C20orf202: variants seen among roughly 807,000 people sequenced by gnomAD.
The protein encoded by C20orf202 is uncharacterized protein C20orf202.
C20orf202 carries 5 observed loss-of-function variants against 5.3 expected under a neutral mutation model. The observed-to-expected ratio is 0.94, with a 90% CI of 0.49 to 1.98. The LOEUF (loss-of-function observed/expected upper bound fraction) is 1.98, where lower values mean the gene tolerates loss of function less well. C20orf202 is among the 30% of genes most tolerant of loss of function. C20orf202 has a pLI of 0.01. For missense variants in C20orf202, 135 were observed against 123.5 expected (o/e 1.09, Z -0.44); for synonymous variants, 48 against 50.0 (o/e 0.96, Z 0.16).
chr20:1,203,768 C>A, intron 1 of C20orf202, 117 bp downstream of exon 1: 1 of 1,151,364 alleles, frequency 8.7e-7, no homozygotes, highest in South Asian at 1.7e-5. Flanking sequence ...ATGGACCCTG[C>A]AGTCTCCCCT....
rs912070700 is a variant in C20orf202 at position 1,207,150 on chromosome 20, C to A, written c.*48C>A. 1.1e-5 allele frequency: 14 copies of A among 1,255,168 alleles called. No homozygotes were observed. Among genetic ancestry groups the A allele is most frequent in the Middle Eastern group, 2.0e-4 (1 of 5,046 alleles). The allele number at this position is 1,255,168 out of a possible 1,614,324, so 77.8% of individuals were successfully genotyped here. On this transcript the variant is annotated 3_prime_UTR_variant, in exon 2 of 2. Transcript: ENST00000400633. ...TTTAACACTCTCCCCATTAGTCTAACCTTTCACTGTGATATTTCAGGGGCA... is the reference window on the plus strand; with the variant it reads ...TTTAACACTCTCCCCATTAGTCTAAACTTTCACTGTGATATTTCAGGGGCA...
rs975023503 is a variant in C20orf202, at chr20:1,207,170, G to A, written c.*68G>A. ...TCTAACCTTTCACTGTGATATTTCA[G>A]GGGCAGAGTGTTGGAATGGGAGTCA... On this transcript the variant is annotated 3_prime_UTR_variant, in exon 2 of 2. Transcript: ENST00000400633. 3.1e-5 allele frequency: 35 copies of A among 1,146,294 alleles called. No homozygotes were observed. The highest frequency in any genetic ancestry group is 9.1e-5 in the Admixed American group (3 of 32,942). 71.0% of individuals were successfully genotyped at this position (1,146,294 alleles called of 1,614,324 possible).
Position 1,207,086 on chromosome 20 carries a change from G to A in C20orf202, c.284G>A (p.Arg95Gln), listed in dbSNP as rs1381241601. The change falls in exon 2 of 2, where the codon CGA (arginine) becomes CAA (glutamine). Residue 95 changes from arginine (R) to glutamine (Q), a missense_variant. Transcript: ENST00000400633. The stretch of plus-strand genomic sequence containing the variant: ...CTCCTCCGAGGGGAAGACAGCAGAC[G>A]AAGCTCTCTCCCTTAACTGGACGGA... Reference protein sequence around the residue: ...AQLLRGEDSRRSSLP With the variant: ...AQLLRGEDSRQSSLP The A allele has an allele frequency of 5.3e-6, 8 of 1,507,996 alleles. No homozygotes were observed. Among genetic ancestry groups the A allele is most frequent in the African/African-American group, 1.4e-5 (1 of 72,156 alleles). The allele number at this position is 1,507,996 out of a possible 1,614,324, so 93.4% of individuals were successfully genotyped here. A position where few individuals can be genotyped will look rare whatever the true frequency, so the allele number is the denominator to read the frequency against.
In C20orf202 at chr20:1,206,054, AAAAT is replaced by A. The variant is rs908186101; in HGVS notation, c.67-795_67-792del. 6.6e-5 allele frequency among the ~76,000 whole-genome samples: 10 copies of A among 152,226 alleles called. No individual in the cohort carries two copies. The South Asian group carries it at 8.3e-4, about 13-fold the overall frequency. On this transcript the variant is annotated intron_variant, in intron 1 of 1. Coordinates refer to ENST00000400633, the MANE Select transcript of C20orf202 (RefSeq NM_001394958.1). ...GGCAACACAGTGAGACCCCGCCTCA[AAAAT>A]AAATAAATAAATAAATAAACAGAAA...
intron 1 of C20orf202, 65 bp downstream of exon 1, chr20:1,203,716 C>A: frequency 6.7e-7 from 1 of 1,492,974 alleles, no homozygotes; most frequent in South Asian, 1.4e-5. Flanking sequence ...CTCTGGTTTT[C>A]CTTCCCGGGT....
chr20:1,208,609 T>C lies in C20orf202; in HGVS notation c.*1507T>C, dbSNP rs1238174529. On this transcript the variant is annotated 3_prime_UTR_variant, in exon 2 of 2. Transcript: ENST00000400633. ...GGAGAGAAAAGGGGCTTGCTCCTTCTTCTTGTTTCCCTGTGGGCTTCCTGT... is the reference window on the plus strand; with the variant it reads ...GGAGAGAAAAGGGGCTTGCTCCTTCCTCTTGTTTCCCTGTGGGCTTCCTGT... Among the ~76,000 whole-genome samples the C allele has an allele frequency of 2.6e-5, 4 of 152,216 alleles. No individual in the cohort carries two copies. The East Asian group carries it at 5.8e-4, about 22-fold the overall frequency.
chr20:1,205,860 G>C (rs1377666094), intron 1 of C20orf202, among the ~76,000 whole-genome samples: 2 of 152,138 alleles, frequency 1.3e-5, no homozygotes, highest in Admixed American at 6.5e-5. Flanking sequence ...CCAGGAGTCT[G>C]AGACCAGCCT....
At chr20:1,205,175 G>A (rs1037600325) in intron 1 of C20orf202, among the ~76,000 whole-genome samples, 20 of 150,292 alleles carry the variant, frequency 1.3e-4, no homozygotes, top group South Asian at 4.2e-4. Flanking sequence ...GCACGATCTC[G>A]GCTCACTACA....
chr20:1,206,074 TAAAC>T (rs895665368), intron 1 of C20orf202, among the ~76,000 whole-genome samples: 7 of 151,194 alleles, frequency 4.6e-5, no homozygotes, highest in South Asian at 4.2e-4. Flanking sequence ...AATAAATAAA[TAAAC>T]AGAAAGAAAA....
rs1231716381 is a variant in C20orf202, at chr20:1,207,069, A to C, written c.267A>C (p.Arg89=). 1 of 1,523,524 alleles carries C rather than the reference A, an allele frequency of 6.6e-7. No homozygotes were observed. The highest frequency in any genetic ancestry group is 8.9e-7 in the Non-Finnish European group (1 of 1,128,816). 94.4% of individuals were successfully genotyped at this position (1,523,524 alleles called of 1,614,324 possible). ...VCSRGLAQLL[R]GEDSRRSSLP is the part of the protein sequence containing the mutation. ...CAAGGGGTCTGGCCCAGCTCCTCCG[A>C]GGGGAAGACAGCAGACGAAGCTCTC... Residue 89 remains arginine (R), a synonymous_variant, in exon 2 of 2, where the codon CGA becomes CGC. Transcript: ENST00000400633.
intron 1 of C20orf202, 33 bp downstream of exon 1, chr20:1,203,684 C>T (rs757551381): frequency 1.8e-5 from 27 of 1,522,002 alleles, no homozygotes; most frequent in Middle Eastern, 3.9e-4. Context: ...CTTGATGCCC[C>T]GACTACATAT....
Sources: allele counts gnomAD v4.1 joint callset (sites outside exome capture counted in the v4.1 genomes callset), GRCh38; gene constraint gnomAD v4.1.1; transcripts MANE v1.5; gene names NCBI Gene and HGNC (gene_info 2026-07-23, HGNC 2026-07-21).